KLHL29: variants seen among roughly 807,000 people sequenced by gnomAD.
KLHL29 encodes kelch-like protein 29.
A neutral mutation model predicts 80.4 loss-of-function variants in KLHL29; 21 were observed. The observed-to-expected ratio is 0.26, with a 90% CI of 0.19 to 0.38. KLHL29 has a LOEUF of 0.38. Ranked by LOEUF, KLHL29 falls within the 10% of genes least tolerant of loss-of-function variation. The pLI is 1.00. For synonymous variants in KLHL29, 511 were observed against 526.8 expected (o/e 0.97, Z 0.41); for missense variants, 867 against 1,223.9 (o/e 0.71, Z 4.35).
intron 3 of KLHL29, among the ~76,000 whole-genome samples, chr2:23,626,108 G>A (rs1280876435): frequency 6.6e-6 from 1 of 152,088 alleles, no homozygotes; most frequent in African/African-American, 2.4e-5. Flanking sequence ...AGTTGGGGGG[G>A]CAGTTTCTGG....
At chr2:23,534,006 C>G (rs1666584542) in intron 2 of KLHL29, among the ~76,000 whole-genome samples, 1 of 150,746 alleles carries the variant, frequency 6.6e-6, no homozygotes, top group Admixed American at 6.6e-5. Flanking sequence ...ATGTAATAGT[C>G]CTCCTGATAT....
intron 3 of KLHL29, among the ~76,000 whole-genome samples, chr2:23,598,937 C>G (rs1016746619): frequency 2.0e-5 from 3 of 152,224 alleles, no homozygotes; most frequent in African/African-American, 7.2e-5. Context: ...AGTGGAAAGC[C>G]AGGCTTGGCC....
Position 23,614,935 on chromosome 2 carries a change from G to GTGC in KLHL29, c.286-24199_286-24197dup, listed in dbSNP as rs539911300. On this transcript the variant is annotated intron_variant, in intron 3 of 13. Coordinates refer to ENST00000486442, the MANE Select transcript of KLHL29 (RefSeq NM_052920.2). ...TGGGCATTGATGATGGGAATGGAGT[G>GTGC]TGCTGCTCCCTGCAGCCCCAGGTCA... is the stretch of plus-strand genomic sequence containing the variant. Among the ~76,000 whole-genome samples, 53 of 152,260 alleles carry GTGC rather than the reference G, an allele frequency of 3.5e-4. No individual in the cohort carries two copies. In the South Asian group the frequency reaches 0.011, roughly 30 times the overall value.
intron 3 of KLHL29, among the ~76,000 whole-genome samples, chr2:23,609,028 G>C (rs1668795028): frequency 6.6e-6 from 1 of 152,226 alleles, no homozygotes. Context: ...ATTCTCCACT[G>C]AGAGTTGAAG....
In KLHL29 at chr2:23,691,896, A is replaced by G. The variant is rs2149204847; in HGVS notation, c.1282+20A>G. 3 of 1,545,418 alleles carry G rather than the reference A, an allele frequency of 1.9e-6. No individual in the cohort carries two copies. Among genetic ancestry groups the G allele is most frequent in the Non-Finnish European group, 2.6e-6 (3 of 1,146,376 alleles). On this transcript the variant is annotated intron_variant, in intron 7 of 13. Coordinates refer to ENST00000486442, the MANE Select transcript of KLHL29 (RefSeq NM_052920.2). ...TTCTCGGTGAGCCCGGGGGCCACAT[A>G]TGTCGCTTGGGGGGAAGAGTGCAGA... is the stretch of plus-strand genomic sequence containing the variant.
intron 3 of KLHL29, among the ~76,000 whole-genome samples, chr2:23,570,651 C>T (rs2103502223): frequency 6.6e-6 from 1 of 152,332 alleles, no homozygotes; most frequent in Non-Finnish European, 1.5e-5. Context: ...CACTCACATT[C>T]CATGTTCTTA....
chr2:23,405,637 T>C (rs1666707555), intron 1 of KLHL29, among the ~76,000 whole-genome samples: 2 of 152,158 alleles, frequency 1.3e-5, no homozygotes, highest in Admixed American at 1.3e-4. Context: ...TTGGCACCAG[T>C]TCTGCAAGCT....
intron 3 of KLHL29, among the ~76,000 whole-genome samples, chr2:23,623,156 CAT>C (rs1669227399): frequency 6.6e-6 from 1 of 152,176 alleles, no homozygotes; most frequent in Non-Finnish European, 1.5e-5. Context: ...GGACATGTCT[CAT>C]GTGAGGTGGC....
chr2:23,456,231 T>G (rs1283876023), intron 1 of KLHL29, among the ~76,000 whole-genome samples: 1 of 152,230 alleles, frequency 6.6e-6, no homozygotes, highest in Non-Finnish European at 1.5e-5. Flanking sequence ...TAGGAGCCAG[T>G]ATCCTCCCCA....
chr2:23,606,216 G>T (rs1050874181), intron 3 of KLHL29, among the ~76,000 whole-genome samples: 1 of 151,640 alleles, frequency 6.6e-6, no homozygotes, highest in African/African-American at 2.4e-5. Flanking sequence ...GAGAGAGAGA[G>T]GCAGAGAGAG....
At chr2:23,485,855 G>C (rs187418378) in intron 2 of KLHL29, among the ~76,000 whole-genome samples, 2 of 152,158 alleles carry the variant, frequency 1.3e-5, no homozygotes, top group Non-Finnish European at 2.9e-5. Context: ...GTGGTTGTAA[G>C]GACTAAATGA....
intron 1 of KLHL29, among the ~76,000 whole-genome samples, chr2:23,472,058 T>C (rs963583864): frequency 2.3e-4 from 32 of 138,162 alleles, no homozygotes; most frequent in African/African-American, 8.6e-4. Flanking sequence ...CACCGCTACA[T>C]GATGGGTGCT....
chr2:23,546,617 G>A (rs950361290), intron 2 of KLHL29, among the ~76,000 whole-genome samples: 1 of 152,130 alleles, frequency 6.6e-6, no homozygotes, highest in African/African-American at 2.4e-5. Flanking sequence ...CTAGAAGAGA[G>A]CTGGCCTAGG....
rs565118674 is a variant in KLHL29 at position 23,480,489 on chromosome 2, C to CA, written c.-46+4831dup. 1.6e-4 allele frequency among the ~76,000 whole-genome samples: 6 copies of CA among 36,852 alleles called. No homozygotes were observed. In the East Asian group the frequency reaches 1.8e-3, roughly 11 times the overall value. 24.2% of individuals were successfully genotyped at this position (36,852 alleles called of 152,430 possible). On this transcript the variant is annotated intron_variant, in intron 2 of 13. Coordinates refer to ENST00000486442, the MANE Select transcript of KLHL29 (RefSeq NM_052920.2). ...TAGGTGACAGCGGAAGATTCTGTCTCAAAAAAAAACAAAAAAAAACTACAG... is the reference window on the plus strand; with the variant it reads ...TAGGTGACAGCGGAAGATTCTGTCTCAAAAAAAAAACAAAAAAAAACTACAG...
At chr2:23,455,278 A>C (rs1040714567) in intron 1 of KLHL29, among the ~76,000 whole-genome samples, 1 of 152,174 alleles carries the variant, frequency 6.6e-6, no homozygotes. Flanking sequence ...TTACCTGAAA[A>C]TATATTTTAT....
intron 2 of KLHL29, among the ~76,000 whole-genome samples, chr2:23,536,916 A>ACTCTCTCTCTCTCCCTCTCTCGCT (rs1187760259): frequency 1.9e-5 from 1 of 52,620 alleles, no homozygotes; most frequent in Admixed American, 2.2e-4. Context: ...ACACACACAC[A>ACTCTCTCTCTCTCCCTCTCTCGCT]CACTCTCTCT....
intron 5 of KLHL29, among the ~76,000 whole-genome samples, chr2:23,658,708 C>T (rs972880599): frequency 1.3e-4 from 20 of 152,314 alleles, no homozygotes; most frequent in African/African-American, 4.8e-4. Flanking sequence ...TTTCCCACAG[C>T]GGAATTGAGT....
rs146716133 is a variant in KLHL29 at position 23,651,007 on chromosome 2, T to C, written c.940+8157T>C. Among the ~76,000 whole-genome samples, 270 of 151,218 alleles carry C rather than the reference T, an allele frequency of 1.8e-3. 1 individual carries two copies. The highest frequency in any genetic ancestry group is 6.3e-3 in the African/African-American group (257 of 40,562). On this transcript the variant is annotated intron_variant, in intron 5 of 13. Coordinates refer to ENST00000486442, the MANE Select transcript of KLHL29 (RefSeq NM_052920.2). ...ACTGGTTCAATGAGAAATGATCTGG[T>C]TGAAATTGCATTCCATTCAAGAGCA...
chr2:23,386,187 C>T (rs899505260), intron 1 of KLHL29, among the ~76,000 whole-genome samples: 1 of 151,986 alleles, frequency 6.6e-6, no homozygotes, highest in Non-Finnish European at 1.5e-5. Flanking sequence ...CCCGGCCGGG[C>T]AGGAGACCTG....
Sources: allele counts gnomAD v4.1 joint callset (sites outside exome capture counted in the v4.1 genomes callset), GRCh38; gene constraint gnomAD v4.1.1; transcripts MANE v1.5; gene names NCBI Gene and HGNC (gene_info 2026-07-23, HGNC 2026-07-21).